The following CHIC2 variants were observed in gnomAD, a reference collection of about 807,000 sequenced individuals.
CHIC2 encodes cysteine-rich hydrophobic domain-containing protein 2.
Under a neutral mutation model 25.9 loss-of-function variants are expected in CHIC2, and 14 were observed. The observed-to-expected ratio is 0.54, with a 90% CI of 0.36 to 0.85. CHIC2 has a LOEUF of 0.85. Among genes scored for constraint, CHIC2 ranks in the 40% least tolerant of loss-of-function variants. CHIC2 has a pLI of 0.01. For missense variants in CHIC2, 146 were observed against 202.0 expected (o/e 0.72, Z 1.68); for synonymous variants, 70 against 72.0 (o/e 0.97, Z 0.14).
chr4:54,047,638 G>A (rs1398262892), intron 3 of CHIC2, among the ~76,000 whole-genome samples: 43 of 141,760 alleles, frequency 3.0e-4, no homozygotes, highest in African/African-American at 9.2e-4. Flanking sequence ...ACCACACACC[G>A]GGGACTGTTG....
the CHIC2 span, among the ~76,000 whole-genome samples, chr4:54,077,812 G>T: frequency 6.6e-6 from 1 of 152,136 alleles, no homozygotes; most frequent in African/African-American, 2.4e-5. Flanking sequence ...CAACTGTGAG[G>T]ACCTGTTGTT....
upstream of CHIC2, chr4:54,064,805 G>A: frequency 1.7e-5 from 5 of 298,096 alleles, no homozygotes; most frequent in Non-Finnish European, 2.5e-5. The surrounding 1 kb of genome is among the most constrained non-coding windows in gnomAD (Gnocchi z 4.2). Flanking sequence ...GACGGCGACC[G>A]GGGCGCGCGC....
chr4:54,080,897 G>A, the CHIC2 span, among the ~76,000 whole-genome samples: 3 of 145,404 alleles, frequency 2.1e-5, no homozygotes, highest in African/African-American at 5.0e-5. Flanking sequence ...GATAATGGAT[G>A]TGCTAATTAG....
At chr4:54,080,408 G>A in the CHIC2 span, among the ~76,000 whole-genome samples, 1 of 151,946 alleles carries the variant, frequency 6.6e-6, no homozygotes, top group South Asian at 2.1e-4. Context: ...GGGGTGCAGG[G>A]TAAGGGGAAG....
At chr4:54,072,233 G>A in the CHIC2 span, among the ~76,000 whole-genome samples, 1 of 151,778 alleles carries the variant, frequency 6.6e-6, no homozygotes, top group Admixed American at 6.6e-5. Context: ...AACCTGGAAG[G>A]GGAGCTTGCA....
chr4:54,064,369 G>T lies in CHIC2; in HGVS notation c.-69C>A. The stretch of plus-strand genomic sequence containing the variant: ...GGTTGGCGCCGGGGTACCGGCGGGC[G>T]AGGCGGCGGAGGCTGAGGGGAGTCG... On this transcript the variant is annotated 5_prime_UTR_variant, in exon 1 of 6. Transcript: ENST00000263921. This position sits in a 1 kb window ranked among gnomAD's most constrained non-coding sequence, Gnocchi z 4.2. The T allele has an allele frequency of 6.3e-7, 1 of 1,585,194 alleles. No homozygotes were observed. Among genetic ancestry groups the T allele is most frequent in the East Asian group, 2.3e-5 (1 of 43,050 alleles).
chr4:54,060,172 T>C (rs1717288662), intron 1 of CHIC2: 1 of 151,926 alleles, frequency 6.6e-6, no homozygotes, highest in African/African-American at 2.4e-5. Flanking sequence ...CACTAAGGTG[T>C]TCTTGTGATG....
chr4:54,063,401 CA>C (rs1717395594), intron 1 of CHIC2, among the ~76,000 whole-genome samples: 1 of 152,222 alleles, frequency 6.6e-6, no homozygotes, highest in South Asian at 2.1e-4. Flanking sequence ...TTCAAGGCTT[CA>C]CATTCCTTTG....
At chr4:54,011,243 G>C (rs756788567) in intron 5 of CHIC2, among the ~76,000 whole-genome samples, 1 of 151,974 alleles carries the variant, frequency 6.6e-6, no homozygotes, top group Non-Finnish European at 1.5e-5. Flanking sequence ...CCTGGCTTTT[G>C]ATCTGCCTCA....
At chr4:54,047,987 TTTTG>T (rs550824733) in intron 3 of CHIC2, among the ~76,000 whole-genome samples, 82 of 152,214 alleles carry the variant, frequency 5.4e-4, no homozygotes, top group African/African-American at 1.8e-3. Context: ...CATCTTAAAA[TTTTG>T]TTTATTTGTT....
At chr4:54,083,018 C>CTTTTTTTTTTTTTTTTTTTTTT in the CHIC2 span, among the ~76,000 whole-genome samples, 94 of 67,910 alleles carry the variant, frequency 1.4e-3, 2 homozygotes, top group South Asian at 1.9e-3. Flanking sequence ...TTCTTTCTTT[C>CTTTTTTTTTTTTTTTTTTTTTT]TTTTTTTTTT....
chr4:54,087,347 C>T, the CHIC2 span: 2 of 565,136 alleles, frequency 3.5e-6, no homozygotes, highest in Non-Finnish European at 6.3e-6. Flanking sequence ...AGTTACCAAG[C>T]AGAAGCAGCT....
In CHIC2 at chr4:54,064,431, T is replaced by G. The variant is rs960168140; in HGVS notation, c.-131A>C. 7.9e-6 allele frequency: 12 copies of G among 1,511,458 alleles called. No individual in the cohort carries two copies. The African/African-American group carries it at 1.7e-4, about 21-fold the overall frequency. 93.6% of individuals were successfully genotyped at this position (1,511,458 alleles called of 1,614,324 possible). Reference sequence around the variant, plus strand: ...GGCTCCGAGGCCGCGGAGTTCGCTGTCGGCTGTCTCGGCTCCGGCTACAGA... The same window carrying G: ...GGCTCCGAGGCCGCGGAGTTCGCTGGCGGCTGTCTCGGCTCCGGCTACAGA... On this transcript the variant is annotated 5_prime_UTR_variant, in exon 1 of 6. Transcript: ENST00000263921. This position sits in a 1 kb window ranked among gnomAD's most constrained non-coding sequence, Gnocchi z 4.2.
intron 5 of CHIC2, among the ~76,000 whole-genome samples, chr4:54,011,572 G>T (rs972059503): frequency 1.3e-4 from 20 of 152,186 alleles, no homozygotes; most frequent in African/African-American, 4.8e-4. Flanking sequence ...TGTATTTCAA[G>T]TATGTCCTCA....
In CHIC2 at chr4:54,064,333, C is replaced by T. The variant is rs1250472876; in HGVS notation, c.-33G>A. On this transcript the variant is annotated 5_prime_UTR_variant, in exon 1 of 6. Transcript: ENST00000263921. This position sits in a 1 kb window ranked among gnomAD's most constrained non-coding sequence, Gnocchi z 4.2. ...CTCCGAGCTCCCCTGCCCAAAGGGC[C>T]TGACTCCCGGGGTTGGCGCCGGGGT... The T allele has an allele frequency of 2.5e-6, 4 of 1,611,990 alleles. No homozygotes were observed. The highest frequency in any genetic ancestry group is 3.4e-6 in the Non-Finnish European group (4 of 1,179,056).
At chr4:54,088,856 A>G in the CHIC2 span, among the ~76,000 whole-genome samples, 2 of 152,222 alleles carry the variant, frequency 1.3e-5, no homozygotes, top group African/African-American at 4.8e-5. Flanking sequence ...TCAGGACTTC[A>G]TGATGGGTTA....
At chr4:54,068,741 A>G (rs1485316890), upstream of CHIC2, among the ~76,000 whole-genome samples, 2 of 152,186 alleles carry the variant, frequency 1.3e-5, no homozygotes, top group African/African-American at 2.4e-5. Flanking sequence ...CACCAGCTGT[A>G]TGTCCTAATT....
chr4:54,046,760 C>T (rs1716833329), intron 3 of CHIC2, among the ~76,000 whole-genome samples: 2 of 152,298 alleles, frequency 1.3e-5, no homozygotes, highest in African/African-American at 2.4e-5. Flanking sequence ...ATGTCTAAAA[C>T]ACCAAAAGCA....
chr4:54,052,983 TATCTC>T (rs1717054118), intron 1 of CHIC2, among the ~76,000 whole-genome samples: 1 of 150,292 alleles, frequency 6.7e-6, no homozygotes, highest in Non-Finnish European at 1.5e-5. Context: ...AAAATTATCT[TATCTC>T]AATATAACAG....
Sources: allele counts gnomAD v4.1 joint callset (sites outside exome capture counted in the v4.1 genomes callset), GRCh38; gene constraint gnomAD v4.1.1; non-coding constraint Gnocchi (gnomAD v3.1); transcripts MANE v1.5; gene names NCBI Gene and HGNC (gene_info 2026-07-23, HGNC 2026-07-21).